CCDC6: variants seen among roughly 807,000 people sequenced by gnomAD.
The protein encoded by CCDC6 is coiled-coil domain-containing protein 6.
In CCDC6, 20 loss-of-function variants were observed where a neutral mutation model predicts 56.6. That is an observed-to-expected ratio of 0.35 (90% CI 0.25 to 0.51). The LOEUF (loss-of-function observed/expected upper bound fraction) is 0.51. Among genes scored for constraint, CCDC6 ranks in the 20% least tolerant of loss-of-function variants. CCDC6 has a pLI of 0.95. For synonymous variants in CCDC6, 241 were observed against 234.4 expected, an observed-to-expected ratio of 1.03 and a Z score of -0.26; for missense variants, 367 against 601.1, an observed-to-expected ratio of 0.61 and a Z score of 4.07.
At chr10:59,794,810 T>C (rs747318351) in intron 7 of CCDC6, among the ~76,000 whole-genome samples, 7 of 152,048 alleles carry the variant, frequency 4.6e-5, no homozygotes, top group Non-Finnish European at 8.8e-5. Flanking sequence ...AACTCACACG[T>C]ATATGGTCAA....
chr10:59,905,813 G>A (rs920222131), intron 1 of CCDC6, among the ~76,000 whole-genome samples: 2 of 152,086 alleles, frequency 1.3e-5, no homozygotes, highest in Non-Finnish European at 2.9e-5. Context: ...CCCCAGCCAC[G>A]CCGCCAGCCT....
intron 1 of CCDC6, among the ~76,000 whole-genome samples, chr10:59,903,152 G>T (rs1419942445): frequency 6.6e-6 from 1 of 152,176 alleles, no homozygotes; most frequent in African/African-American, 2.4e-5. Context: ...CCAGGAGTTT[G>T]CAGGGAGGGA....
chr10:59,865,852 CA>C (rs777021321), intron 1 of CCDC6, among the ~76,000 whole-genome samples: 725 of 57,024 alleles, frequency 0.013, 1 homozygote, highest in African/African-American at 0.025. Flanking sequence ...TCCATCTCCA[CA>C]AAAAAAAAAA....
chr10:59,892,015 A>G (rs898003768), intron 1 of CCDC6, among the ~76,000 whole-genome samples: 2 of 152,192 alleles, frequency 1.3e-5, no homozygotes, highest in Admixed American at 1.3e-4. Flanking sequence ...GCCCATCACC[A>G]GGGGTTGTCC....
rs7075897 is a variant in CCDC6 at position 59,905,987 on chromosome 10, G to C, written c.303+135C>G. 2.0e-3 allele frequency: 1,479 copies of C among 754,990 alleles called. 17 individuals carry two copies. In the African/African-American group the frequency reaches 0.024, roughly 12 times the overall value. The allele number at this position is 754,990 out of a possible 1,614,324, so 46.8% of individuals were successfully genotyped here. A position where few individuals can be genotyped will look rare whatever the true frequency, so the allele number is the denominator to read the frequency against. ...CTCCCTCTCCTCCCGGAAGCCAGCA[G>C]GTCCCCGCAGGGAGTGTGCTCTCAG... On this transcript the variant is annotated intron_variant, in intron 1 of 8. Coordinates refer to ENST00000263102, the MANE Select transcript of CCDC6 (RefSeq NM_005436.5).
At chr10:59,848,934 T>G (rs1056982503) in intron 2 of CCDC6, among the ~76,000 whole-genome samples, 1 of 152,196 alleles carries the variant, frequency 6.6e-6, no homozygotes, top group Non-Finnish European at 1.5e-5. Flanking sequence ...AGGCTGGTCT[T>G]GAACTCCTGG....
At chr10:59,819,620 G>A (rs1037200020) in intron 3 of CCDC6, among the ~76,000 whole-genome samples, 1 of 152,150 alleles carries the variant, frequency 6.6e-6, no homozygotes, top group Non-Finnish European at 1.5e-5. Context: ...TAAGTTTCCA[G>A]GGTAGTAAGT....
At chr10:59,812,010 C>T (rs2070676237) in intron 5 of CCDC6, among the ~76,000 whole-genome samples, 1 of 145,138 alleles carries the variant, frequency 6.9e-6, no homozygotes. Context: ...CCCATTTTTT[C>T]ACTGCATACC....
chr10:59,848,956 T>C (rs1443772673), intron 2 of CCDC6, among the ~76,000 whole-genome samples: 5 of 152,204 alleles, frequency 3.3e-5, no homozygotes, highest in Non-Finnish European at 2.9e-5. Context: ...ATCAAAGTGA[T>C]CCACCTGCCT....
rs552856739 is a variant in CCDC6, at chr10:59,843,724, C to T, written c.453+8829G>A. ...AGTAACTTGCTCCAGAAAATTCCATCTCCTTTGGCTAAGCACCATAAGTCT... is the reference window on the plus strand; with the variant it reads ...AGTAACTTGCTCCAGAAAATTCCATTTCCTTTGGCTAAGCACCATAAGTCT... On this transcript the variant is annotated intron_variant, in intron 2 of 8. Transcript: ENST00000263102. Among the ~76,000 whole-genome samples the T allele has an allele frequency of 2.6e-5, 4 of 152,330 alleles. No individual in the cohort carries two copies. The East Asian group carries it at 7.7e-4, about 29-fold the overall frequency.
chr10:59,848,965 C>T (rs1426852615), intron 2 of CCDC6, among the ~76,000 whole-genome samples: 1 of 152,250 alleles, frequency 6.6e-6, no homozygotes, highest in Non-Finnish European at 1.5e-5. Context: ...ATCCACCTGC[C>T]TCGGCCTCCC....
Position 59,844,746 on chromosome 10 carries a change from CAAA to C in CCDC6, c.453+7804_453+7806del, listed in dbSNP as rs56232975. 1.7e-3 allele frequency among the ~76,000 whole-genome samples: 216 copies of C among 124,538 alleles called. 2 individuals are homozygous for C. The highest frequency in any genetic ancestry group is 5.4e-3 in the African/African-American group (195 of 36,286). 81.7% of individuals were successfully genotyped at this position (124,538 alleles called of 152,430 possible). On this transcript the variant is annotated intron_variant, in intron 2 of 8. Coordinates refer to ENST00000263102, the MANE Select transcript of CCDC6 (RefSeq NM_005436.5). ...CAGCCTGGGCAACAGAGACTATCTC[CAAA>C]AAAAAAAAAAAAAAGAGAGAGAGAG...
At chr10:59,841,111 T>C (rs544853102) in intron 2 of CCDC6, among the ~76,000 whole-genome samples, 1 of 152,172 alleles carries the variant, frequency 6.6e-6, no homozygotes, top group East Asian at 1.9e-4. Flanking sequence ...TCCAGACCCA[T>C]TACCTCCCAA....
At chr10:59,879,450 A>G (rs1369602124) in intron 1 of CCDC6, among the ~76,000 whole-genome samples, 1 of 152,222 alleles carries the variant, frequency 6.6e-6, no homozygotes, top group African/African-American at 2.4e-5. Context: ...CTAATCTGAC[A>G]CAGCTAACTC....
chr10:59,847,343 G>C (rs188667768), intron 2 of CCDC6, among the ~76,000 whole-genome samples: 2 of 144,596 alleles, frequency 1.4e-5, no homozygotes, highest in African/African-American at 5.4e-5. Flanking sequence ...AGGAGCCACC[G>C]CGCCAGGCCT....
At chr10:59,839,279 G>A (rs1389898365) in intron 2 of CCDC6, among the ~76,000 whole-genome samples, 1 of 152,134 alleles carries the variant, frequency 6.6e-6, no homozygotes, top group Non-Finnish European at 1.5e-5. Context: ...AGAACACCTG[G>A]GTACATTCTC....
chr10:59,831,602 G>A (rs1046843200), intron 3 of CCDC6, among the ~76,000 whole-genome samples: 2 of 152,140 alleles, frequency 1.3e-5, no homozygotes, highest in African/African-American at 4.8e-5. Flanking sequence ...ACAAACAGCT[G>A]GAAGATCTTC....
At chr10:59,881,353 C>T (rs1262115558) in intron 1 of CCDC6, among the ~76,000 whole-genome samples, 2 of 151,932 alleles carry the variant, frequency 1.3e-5, no homozygotes, top group Non-Finnish European at 2.9e-5. Context: ...AACATCCCGG[C>T]AGCACATTCA....
intron 2 of CCDC6, among the ~76,000 whole-genome samples, chr10:59,840,451 C>T (rs890363062): frequency 3.9e-5 from 6 of 152,166 alleles, no homozygotes; most frequent in Non-Finnish European, 7.3e-5. Flanking sequence ...TTCATCCTTG[C>T]GTTTTCCTTA....
Sources: allele counts gnomAD v4.1 joint callset (sites outside exome capture counted in the v4.1 genomes callset), GRCh38; gene constraint gnomAD v4.1.1; transcripts MANE v1.5; gene names NCBI Gene and HGNC (gene_info 2026-07-23, HGNC 2026-07-21).